Variants in AP1B1 observed in about 807,000 individuals in gnomAD.
AP1B1 encodes AP-1 complex subunit beta-1.
AP1B1 carries 36 observed loss-of-function variants against 104.3 expected under a neutral mutation model. The observed-to-expected ratio is 0.35, with a 90% confidence interval of 0.26 to 0.46. The LOEUF is 0.46. AP1B1 is among the 20% of genes least tolerant of loss of function. The pLI is 1.00. For synonymous variants in AP1B1, 504 were observed against 517.5 expected (o/e 0.97, Z 0.35); for missense variants, 901 against 1,247.9 (o/e 0.72, Z 4.19).
intron 5 of AP1B1, among the ~76,000 whole-genome samples, chr22:29,357,061 T>G (rs1381249488): frequency 7.9e-6 from 1 of 126,704 alleles, no homozygotes; most frequent in East Asian, 3.6e-4. Context: ...TGTTTTTTTT[T>G]GTTTTTTGTT....
chr22:29,363,753 C>T lies in AP1B1; in HGVS notation c.38-647G>A, dbSNP rs370911263. Among the ~76,000 whole-genome samples, 6 of 152,036 alleles carry T rather than the reference C, an allele frequency of 3.9e-5. No individual in the cohort carries two copies. In the East Asian group the frequency reaches 9.6e-4, roughly 24 times the overall value. On this transcript the variant is annotated intron_variant, in intron 2 of 22. Transcript: ENST00000357586. ...TACAAAATAATTTTTTTTAATTAGCCGGGTGTGGTGGCATGTGCCTGCCGT... is the reference window on the plus strand; with the variant it reads ...TACAAAATAATTTTTTTTAATTAGCTGGGTGTGGTGGCATGTGCCTGCCGT...
At chr22:29,370,882 C>A (rs1164008270) in intron 1 of AP1B1, among the ~76,000 whole-genome samples, 3 of 152,330 alleles carry the variant, frequency 2.0e-5, no homozygotes, top group African/African-American at 7.2e-5. Context: ...ACTCAGTGCA[C>A]TGGTGCTGGC....
intron 4 of AP1B1, 114 bp downstream of exon 4, chr22:29,359,710 G>GCAGT: frequency 7.2e-7 from 1 of 1,382,712 alleles, no homozygotes; most frequent in Non-Finnish European, 9.7e-7. Context: ...GCGGGCGCGG[G>GCAGT]CAGTCTGAAG....
chr22:29,338,411 A>T (rs921615041), intron 16 of AP1B1, among the ~76,000 whole-genome samples: 40 of 152,228 alleles, frequency 2.6e-4, no homozygotes, highest in Non-Finnish European at 5.9e-5. Flanking sequence ...GCCCTGCAGC[A>T]AACACCTGGC....
chr22:29,383,896 TC>T (rs2062478358), intron 1 of AP1B1, among the ~76,000 whole-genome samples: 1 of 152,044 alleles, frequency 6.6e-6, no homozygotes, highest in Non-Finnish European at 1.5e-5. Flanking sequence ...AGGCCTCCCT[TC>T]CTGACAGAGG....
At chr22:29,352,618 G>C (rs977247704) in intron 7 of AP1B1, among the ~76,000 whole-genome samples, 2 of 152,146 alleles carry the variant, frequency 1.3e-5, no homozygotes, top group African/African-American at 4.8e-5. Flanking sequence ...ATAGATCTTT[G>C]CTGTGGGTAT....
intron 1 of AP1B1, among the ~76,000 whole-genome samples, chr22:29,381,036 C>T (rs2062428962): frequency 6.6e-6 from 1 of 152,214 alleles, no homozygotes; most frequent in Admixed American, 6.5e-5. Context: ...GCACAGGCCT[C>T]TTTACTGATC....
chr22:29,336,697 G>A (rs919888925), intron 16 of AP1B1, among the ~76,000 whole-genome samples: 1 of 150,974 alleles, frequency 6.6e-6, no homozygotes, highest in Non-Finnish European at 1.5e-5. Context: ...CAGCTACTTC[G>A]GGAGGCTGAG....
Position 29,341,572 on chromosome 22 carries a change from A to G in AP1B1, c.1725T>C (p.His575=). ...CCTCCACAAAGGCACTGGGAGGCTT[A>G]TGGTAGACGGAAGCCAGCGTGCCGA... The part of the protein sequence containing the change: ...CYIGTLASVY[H]KPPSAFVEGG... Residue 575 remains histidine, a synonymous_variant, in exon 13 of 23, where the codon CAT becomes CAC. Transcript: ENST00000357586. 1 of 1,614,202 alleles carries G rather than the reference A, an allele frequency of 6.2e-7. No individual in the cohort carries two copies. Among genetic ancestry groups the G allele is most frequent in the Non-Finnish European group, 8.5e-7 (1 of 1,180,016 alleles).
chr22:29,381,894 C>G (rs1602828879), intron 1 of AP1B1, among the ~76,000 whole-genome samples: 1 of 151,720 alleles, frequency 6.6e-6, no homozygotes, highest in African/African-American at 2.4e-5. Context: ...TCTACCCTTG[C>G]TGATCCTTCT....
At chr22:29,349,915 T>G in intron 10 of AP1B1, 120 bp downstream of exon 10, 2 of 826,774 alleles carry the variant, frequency 2.4e-6, no homozygotes, top group Non-Finnish European at 4.0e-6. Flanking sequence ...GGGTTTCTTT[T>G]GAGAATGACG....
At chr22:29,335,305 C>T (rs2061622580) in intron 16 of AP1B1, among the ~76,000 whole-genome samples, 1 of 152,168 alleles carries the variant, frequency 6.6e-6, no homozygotes, top group African/African-American at 2.4e-5. Flanking sequence ...GGTGAAAAGG[C>T]TCAGACCCCA....
intron 13 of AP1B1, among the ~76,000 whole-genome samples, 194 bp downstream of exon 13, chr22:29,341,307 C>T (rs536319472): frequency 3.3e-5 from 5 of 152,378 alleles, no homozygotes; most frequent in Admixed American, 2.0e-4. Context: ...GACATTTGCT[C>T]TCAGCACTGT....
rs2061511245 is a variant in AP1B1, at chr22:29,328,628, C to T, written c.*193G>A. Reference sequence around the variant, plus strand: ...AGGGGTGTCCCAGAGCACGGGAGTGCACTGCGCTCTCACCCCAGGAGGGGG... The same window carrying T: ...AGGGGTGTCCCAGAGCACGGGAGTGTACTGCGCTCTCACCCCAGGAGGGGG... On this transcript the variant is annotated 3_prime_UTR_variant, in exon 23 of 23. Transcript: ENST00000357586. The surrounding 1 kb of genome is among the most constrained non-coding windows in gnomAD (Gnocchi z 4.1). 3.1e-6 allele frequency: 2 copies of T among 637,202 alleles called. No homozygotes were observed. The highest frequency in any genetic ancestry group is 5.3e-6 in the Non-Finnish European group (2 of 374,738). The allele number at this position is 637,202 out of a possible 1,614,324, so 39.5% of individuals were successfully genotyped here. A position where few individuals can be genotyped will look rare whatever the true frequency, so the allele number is the denominator to read the frequency against.
intron 2 of AP1B1, among the ~76,000 whole-genome samples, chr22:29,366,833 GACACAC>G (rs200885223): frequency 0.018 from 2,391 of 131,304 alleles, 25 homozygotes; most frequent in Middle Eastern, 0.047. Context: ...CTTGGATAAG[GACACAC>G]ACACACACAC....
intron 2 of AP1B1, among the ~76,000 whole-genome samples, chr22:29,364,786 G>A (rs1418275303): frequency 7.3e-5 from 11 of 150,920 alleles, no homozygotes; most frequent in African/African-American, 2.4e-5. Context: ...TCGGCTCACC[G>A]CAACTTCCGC....
chr22:29,353,458 A>G (rs780013146), intron 7 of AP1B1, among the ~76,000 whole-genome samples: 10 of 152,208 alleles, frequency 6.6e-5, no homozygotes, highest in Non-Finnish European at 7.3e-5. Context: ...TGTTAAATAT[A>G]GCACAGGGAA....
rs748320683 is a variant in AP1B1, at chr22:29,330,707, G to A, written c.2527C>T (p.Arg843Trp). Residue 843 changes from arginine to tryptophan, a missense_variant and splice_region_variant, in exon 20 of 23, where the codon CGG (arginine) becomes TGG (tryptophan). Transcript: ENST00000357586. ...ILFVEDGKMD[R>W]QMFLATWKDI... ...TTCCATGTGGCCAGGAACATCTGCC[G>A]GTCTGCGGGGTGAGCAGGGTGGGGA... 31 of 1,611,252 alleles carry A rather than the reference G, an allele frequency of 1.9e-5. No homozygotes were observed. The highest frequency in any genetic ancestry group is 2.3e-5 in the Non-Finnish European group (27 of 1,179,438).
In AP1B1 at chr22:29,373,901, G is replaced by GAA. The variant is rs562221478; in HGVS notation, c.-27-6633_-27-6632dup. ...TGGGCGACAGAGCAAGACTCGGTCT[G>GAA]AAAAAAAAAAAAAAGGCAAGGCACG... On this transcript the variant is annotated intron_variant, in intron 1 of 22. Coordinates refer to ENST00000357586, the MANE Select transcript of AP1B1 (RefSeq NM_001127.4). Among the ~76,000 whole-genome samples, 800 of 88,360 alleles carry GAA rather than the reference G, an allele frequency of 9.1e-3. 14 individuals carry two copies. The highest frequency in any genetic ancestry group is 0.032 in the African/African-American group (755 of 23,416). The allele number at this position is 88,360 out of a possible 152,430, so 58.0% of individuals were successfully genotyped here. A position where few individuals can be genotyped will look rare whatever the true frequency, so the allele number is the denominator to read the frequency against.
Sources: gnomAD v4.1 joint callset for allele counts (sites outside exome capture counted in the v4.1 genomes callset) on GRCh38, gnomAD v4.1.1 for gene constraint, Gnocchi (gnomAD v3.1) non-coding constraint, MANE v1.5 for transcripts, NCBI Gene and HGNC (gene_info 2026-07-23, HGNC 2026-07-21) for gene names.